The following PRKN variants were observed in gnomAD, a reference collection of about 807,000 sequenced individuals.
PRKN encodes the protein parkin RBR E3 ubiquitin protein ligase.
In PRKN, 56 loss-of-function variants were observed where a neutral mutation model predicts 59.5. That is an observed-to-expected ratio of 0.94 (90% CI 0.76 to 1.18). PRKN has a LOEUF of 1.18. Ranked by LOEUF, PRKN falls within the 50% of genes most tolerant of loss-of-function variation. The pLI is 0.00. For missense variants in PRKN, 657 were observed against 596.4 expected (o/e 1.10, Z -1.06); for synonymous variants, 250 against 222.1 (o/e 1.13, Z -1.12).
chr6:161,403,267 T>C (rs1787125542), intron 9 of PRKN, among the ~76,000 whole-genome samples: 1 of 152,120 alleles, frequency 6.6e-6, no homozygotes, highest in Non-Finnish European at 1.5e-5. Context: ...TGGGACCTAA[T>C]ATTCTATATT....
chr6:162,161,443 C>T (rs1365257293), intron 4 of PRKN, among the ~76,000 whole-genome samples: 1 of 152,116 alleles, frequency 6.6e-6, no homozygotes, highest in Non-Finnish European at 1.5e-5. Flanking sequence ...CAGTAAATTG[C>T]GGACTGAAAA....
intron 4 of PRKN, among the ~76,000 whole-genome samples, chr6:162,143,941 CA>C (rs1188538884): frequency 6.6e-6 from 1 of 151,952 alleles, no homozygotes; most frequent in South Asian, 2.1e-4. Flanking sequence ...TCATTAGGGT[CA>C]AAAATATATA....
At chr6:162,433,439 G>A (rs1789628555) in intron 2 of PRKN, among the ~76,000 whole-genome samples, 2 of 151,938 alleles carry the variant, frequency 1.3e-5, no homozygotes, top group African/African-American at 4.8e-5. Context: ...TTGAAGTTTT[G>A]ACTTCTCATT....
At chr6:161,654,839 G>GGC (rs1784280376) in intron 7 of PRKN, among the ~76,000 whole-genome samples, 2 of 152,172 alleles carry the variant, frequency 1.3e-5, no homozygotes, top group Admixed American at 6.5e-5. Context: ...ACGCCCCCTG[G>GGC]GAGGGACCCT....
At chr6:162,434,852 T>C (rs575988583) in intron 2 of PRKN, among the ~76,000 whole-genome samples, 3 of 152,336 alleles carry the variant, frequency 2.0e-5, no homozygotes, top group Admixed American at 6.5e-5. Flanking sequence ...AATCTTATTG[T>C]TCCTTGACAG....
At chr6:162,489,077 CCCTTCCTT>C (rs58260588) in intron 1 of PRKN, among the ~76,000 whole-genome samples, 6 of 150,668 alleles carry the variant, frequency 4.0e-5, no homozygotes, top group Non-Finnish European at 3.0e-5. Context: ...AAGGAGCTCA[CCCTTCCTT>C]CCTTCCTTCC....
chr6:161,648,134 A>G (rs1350119781), intron 7 of PRKN, among the ~76,000 whole-genome samples: 2 of 152,242 alleles, frequency 1.3e-5, no homozygotes, highest in Non-Finnish European at 2.9e-5. Context: ...CTTCTCCAGT[A>G]AAAGATCTGA....
chr6:161,564,815 G>A lies in PRKN; in HGVS notation c.933+4540C>T, dbSNP rs575544523. Among the ~76,000 whole-genome samples, 9 of 152,170 alleles carry A rather than the reference G, an allele frequency of 5.9e-5. No homozygotes were observed. The East Asian group carries it at 7.8e-4, about 13-fold the overall frequency. On this transcript the variant is annotated intron_variant, in intron 8 of 11. Coordinates refer to ENST00000366898, the MANE Select transcript of PRKN (RefSeq NM_004562.3). The stretch of plus-strand genomic sequence containing the variant: ...ACAGGGGTGGTACTCCCAACTCTCC[G>A]ACTTCCCAATTCCATGACCTCAACT...
intron 4 of PRKN, among the ~76,000 whole-genome samples, chr6:162,176,712 A>G (rs1329525542): frequency 6.6e-6 from 1 of 152,190 alleles, no homozygotes; most frequent in African/African-American, 2.4e-5. Flanking sequence ...AATAAAAAAC[A>G]GCAGACAGTG....
chr6:162,235,169 C>A (rs1434628967), intron 3 of PRKN, among the ~76,000 whole-genome samples: 1 of 152,058 alleles, frequency 6.6e-6, no homozygotes, highest in Non-Finnish European at 1.5e-5. Flanking sequence ...ATATGAAGAA[C>A]CAAAACTTAC....
chr6:162,110,523 A>G (rs77590741), intron 4 of PRKN, among the ~76,000 whole-genome samples: 12,180 of 152,290 alleles, frequency 0.08, 523 homozygotes, highest in Middle Eastern at 0.13. Context: ...GTAAACAAAC[A>G]ATATAATTAT....
intron 7 of PRKN, among the ~76,000 whole-genome samples, chr6:161,719,071 C>T (rs1787111196): frequency 6.6e-6 from 1 of 152,004 alleles, no homozygotes; most frequent in Non-Finnish European, 1.5e-5. Context: ...TTTAAATGTT[C>T]CTTGAAGAAA....
Position 161,414,983 on chromosome 6 carries a change from G to A in PRKN, c.1084-28106C>T, listed in dbSNP as rs950786142. 6.6e-6 allele frequency among the ~76,000 whole-genome samples: 1 copy of A among 152,184 alleles called. No individual in the cohort carries two copies. The highest frequency in any genetic ancestry group is 1.5e-5 in the Non-Finnish European group (1 of 68,040). On this transcript the variant is annotated intron_variant, in intron 9 of 11. Coordinates refer to ENST00000366898, the MANE Select transcript of PRKN (RefSeq NM_004562.3). The surrounding 1 kb of genome is among the most constrained non-coding windows in gnomAD (Gnocchi z 5.3). ...TTGGCAGCTCCTCAGAGGGAAGGAC[G>A]GAGCCTGCCATTCTGCGGAGCGTCA... is the stretch of plus-strand genomic sequence containing the variant.
chr6:161,910,331 C>G (rs915068516), intron 6 of PRKN, among the ~76,000 whole-genome samples: 8 of 152,032 alleles, frequency 5.3e-5, no homozygotes, highest in Admixed American at 5.2e-4. Flanking sequence ...CTCGACTCAC[C>G]ACAACCTCCA....
chr6:162,178,902 C>T (rs1783657540), intron 4 of PRKN, among the ~76,000 whole-genome samples: 1 of 152,132 alleles, frequency 6.6e-6, no homozygotes, highest in South Asian at 2.1e-4. Context: ...CAAGGGCTCT[C>T]CGTCTGTCAC....
chr6:161,910,708 AG>A (rs1778327305), intron 6 of PRKN, among the ~76,000 whole-genome samples: 1 of 152,210 alleles, frequency 6.6e-6, no homozygotes, highest in Non-Finnish European at 1.5e-5. Flanking sequence ...CACACATGAA[AG>A]GAAGACTCAA....
chr6:161,600,656 C>A (rs923753755), intron 7 of PRKN, among the ~76,000 whole-genome samples: 3 of 152,094 alleles, frequency 2.0e-5, no homozygotes, highest in East Asian at 1.9e-4. Flanking sequence ...CCAACACTAA[C>A]CTCAGTTAAA....
chr6:161,738,810 G>A (rs935993997), intron 7 of PRKN, among the ~76,000 whole-genome samples: 3 of 152,160 alleles, frequency 2.0e-5, no homozygotes, highest in Non-Finnish European at 4.4e-5. Flanking sequence ...GTGAGTGCTG[G>A]CCACAGTGAT....
At chr6:162,340,563 A>C (rs1385558762) in intron 2 of PRKN, among the ~76,000 whole-genome samples, 1 of 152,196 alleles carries the variant, frequency 6.6e-6, no homozygotes, top group Non-Finnish European at 1.5e-5. Context: ...ACAGCATGGA[A>C]CTGGTACCAA....
Sources: allele counts gnomAD v4.1 joint callset (sites outside exome capture counted in the v4.1 genomes callset), GRCh38; gene constraint gnomAD v4.1.1; non-coding constraint Gnocchi (gnomAD v3.1); transcripts MANE v1.5; gene names NCBI Gene and HGNC (gene_info 2026-07-23, HGNC 2026-07-21).